KCNMB2: variants seen among roughly 807,000 people sequenced by gnomAD.
The protein encoded by KCNMB2 is potassium calcium-activated channel subfamily M regulatory beta subunit 2, also known as calcium-activated potassium channel subunit beta-2.
KCNMB2 carries 9 observed loss-of-function variants against 24.5 expected under a neutral mutation model. The ratio of observed to expected loss-of-function variants is 0.37; its 90% CI spans 0.22 to 0.64. The LOEUF (loss-of-function observed/expected upper bound fraction) is 0.64. Ranked by LOEUF, KCNMB2 falls within the 30% of genes least tolerant of loss-of-function variation. The probability of loss-of-function intolerance (pLI) is 0.63; values close to 1 mark genes in which losing one functional copy is unlikely to be tolerated. For synonymous variants in KCNMB2, 109 were observed against 104.4 expected, an observed-to-expected ratio of 1.04 and a Z score of -0.27; for missense variants, 226 against 284.3, an observed-to-expected ratio of 0.79 and a Z score of 1.47.
intron 1 of KCNMB2, among the ~76,000 whole-genome samples, chr3:178,738,023 G>A (rs1330184259): frequency 6.6e-6 from 1 of 152,096 alleles, no homozygotes; most frequent in Non-Finnish European, 1.5e-5. Context: ...AGATCAGAAG[G>A]TATTGGTGTT....
intron 1 of KCNMB2, among the ~76,000 whole-genome samples, chr3:178,752,736 A>C (rs1009127875): frequency 2.6e-5 from 4 of 152,208 alleles, no homozygotes; most frequent in Non-Finnish European, 5.9e-5. Context: ...TTTCAAAAAC[A>C]CTTAATGGGC....
chr3:178,719,826 A>G (rs1260837749), intron 1 of KCNMB2, among the ~76,000 whole-genome samples: 3 of 152,154 alleles, frequency 2.0e-5, no homozygotes, highest in African/African-American at 7.2e-5. Context: ...CAATCAGGAT[A>G]CACTGTTCTC....
chr3:178,599,953 C>A (rs1718020282), intron 1 of KCNMB2, among the ~76,000 whole-genome samples: 1 of 152,188 alleles, frequency 6.6e-6, no homozygotes, highest in African/African-American at 2.4e-5. Flanking sequence ...TCTTGGCTCA[C>A]TACAATCTCC....
intron 2 of KCNMB2, among the ~76,000 whole-genome samples, chr3:178,815,621 G>A (rs1714376194): frequency 6.6e-6 from 1 of 151,938 alleles, no homozygotes; most frequent in Admixed American, 6.6e-5. Context: ...TCATAAAATG[G>A]ATTCTGTCAA....
intron 1 of KCNMB2, among the ~76,000 whole-genome samples, chr3:178,747,539 C>A (rs550131450): frequency 2.6e-5 from 4 of 152,170 alleles, no homozygotes; most frequent in African/African-American, 9.7e-5. Context: ...TTACTATTAT[C>A]TTCATTTTAC....
At chr3:178,595,062 A>AAAAAAAAAAG (rs888496295) in intron 1 of KCNMB2, among the ~76,000 whole-genome samples, 2 of 151,200 alleles carry the variant, frequency 1.3e-5, no homozygotes, top group Non-Finnish European at 3.0e-5. Flanking sequence ...GTATTTGCAA[A>AAAAAAAAAAG]AAAAAAAAAA....
intron 1 of KCNMB2, among the ~76,000 whole-genome samples, chr3:178,668,682 A>G (rs1445323672): frequency 1.3e-5 from 2 of 152,122 alleles, no homozygotes; most frequent in Non-Finnish European, 1.5e-5. Flanking sequence ...CACAACTGCT[A>G]CTTATGTATG....
intron 1 of KCNMB2, among the ~76,000 whole-genome samples, chr3:178,731,233 G>A (rs1723139817): frequency 6.6e-6 from 1 of 152,134 alleles, no homozygotes; most frequent in African/African-American, 2.4e-5. Context: ...ATTTCTATAT[G>A]ACTTGTACCT....
chr3:178,728,524 C>T (rs1723038881), intron 1 of KCNMB2, among the ~76,000 whole-genome samples: 1 of 152,106 alleles, frequency 6.6e-6, no homozygotes, highest in Admixed American at 6.5e-5. Flanking sequence ...CACGTGAGCG[C>T]TGTCTGTCCA....
chr3:178,708,122 C>G (rs770138001), intron 1 of KCNMB2, among the ~76,000 whole-genome samples: 110 of 152,114 alleles, frequency 7.2e-4, no homozygotes, highest in Admixed American at 7.2e-3. Context: ...GTTTCAGTGT[C>G]TGCCTTAGGA....
intron 1 of KCNMB2, among the ~76,000 whole-genome samples, chr3:178,686,050 G>A (rs1349728522): frequency 6.6e-6 from 1 of 151,050 alleles, no homozygotes; most frequent in Non-Finnish European, 1.5e-5. Flanking sequence ...GTGTGTGAGA[G>A]AGAGAGAGAG....
At chr3:178,754,851 G>GTCT (rs1482169480) in intron 1 of KCNMB2, among the ~76,000 whole-genome samples, 2 of 152,192 alleles carry the variant, frequency 1.3e-5, no homozygotes, top group Non-Finnish European at 2.9e-5. Flanking sequence ...TTTACAGACA[G>GTCT]CTTGTTTAGC....
intron 1 of KCNMB2, among the ~76,000 whole-genome samples, chr3:178,763,654 T>C (rs1045367734): frequency 3.9e-5 from 6 of 152,178 alleles, no homozygotes; most frequent in African/African-American, 1.4e-4. Flanking sequence ...ATTTAGGATA[T>C]GACCATGGGA....
At chr3:178,640,999 T>A (rs1257992810) in intron 1 of KCNMB2, among the ~76,000 whole-genome samples, 2 of 152,212 alleles carry the variant, frequency 1.3e-5, no homozygotes, top group African/African-American at 4.8e-5. Context: ...CAAAGATCAG[T>A]TGAACATGTT....
chr3:178,698,377 C>T (rs552986431), intron 1 of KCNMB2, among the ~76,000 whole-genome samples: 29 of 152,274 alleles, frequency 1.9e-4, no homozygotes, highest in Middle Eastern at 3.4e-3. Flanking sequence ...CCAATCTTCA[C>T]GCTATGAGAG....
intron 1 of KCNMB2, among the ~76,000 whole-genome samples, chr3:178,657,963 C>A (rs1198037594): frequency 6.6e-6 from 1 of 152,204 alleles, no homozygotes. Context: ...AACCACCTCC[C>A]AACACTGCCA....
chr3:178,704,373 T>C (rs1401553159), intron 1 of KCNMB2, among the ~76,000 whole-genome samples: 1 of 152,134 alleles, frequency 6.6e-6, no homozygotes, highest in Non-Finnish European at 1.5e-5. Flanking sequence ...ACTATGTGTT[T>C]CAAATTTATC....
intron 4 of KCNMB2, among the ~76,000 whole-genome samples, chr3:178,839,894 C>T (rs983251712): frequency 6.6e-6 from 1 of 152,128 alleles, no homozygotes; most frequent in Non-Finnish European, 1.5e-5. Context: ...AATCTCATGT[C>T]CTTTATACAT....
intron 1 of KCNMB2, chr3:178,558,603 C>A (rs188953666): frequency 6.6e-6 from 1 of 152,230 alleles, no homozygotes; most frequent in African/African-American, 2.4e-5. Context: ...ATCATAGTTC[C>A]AGGTTTTTTT....
Sources: allele counts gnomAD v4.1 joint callset (sites outside exome capture counted in the v4.1 genomes callset), GRCh38; gene constraint gnomAD v4.1.1; transcripts MANE v1.5; gene names NCBI Gene and HGNC (gene_info 2026-07-23, HGNC 2026-07-21).